PPARGC1A: variants seen among roughly 807,000 people sequenced by gnomAD.
PPARGC1A encodes peroxisome proliferator-activated receptor gamma coactivator 1-alpha.
Under a neutral mutation model 88.7 loss-of-function variants are expected in PPARGC1A, and 25 were observed. The observed-to-expected ratio is 0.28, with a 90% CI of 0.21 to 0.39. The LOEUF (loss-of-function observed/expected upper bound fraction) is 0.39, where lower values mean the gene tolerates loss of function less well. Ranked by LOEUF, PPARGC1A falls within the 10% of genes least tolerant of loss-of-function variation. The probability of loss-of-function intolerance (pLI) is 1.00; values close to 1 mark genes in which losing one functional copy is unlikely to be tolerated. For synonymous variants in PPARGC1A, 363 were observed against 355.6 expected (o/e 1.02, Z -0.24); for missense variants, 880 against 968.7 (o/e 0.91, Z 1.22).
the PPARGC1A span, among the ~76,000 whole-genome samples, chr4:23,936,245 G>A: frequency 2.1e-4 from 32 of 152,014 alleles, no homozygotes; most frequent in South Asian, 6.2e-4. Flanking sequence ...CTAATACCCC[G>A]AAAATGCATA....
the PPARGC1A span, among the ~76,000 whole-genome samples, chr4:24,275,206 A>C: frequency 1.9e-5 from 2 of 105,498 alleles, no homozygotes; most frequent in Admixed American, 1.1e-4. Flanking sequence ...AGTAAGTAGG[A>C]GCGTGCTATT....
the PPARGC1A span, among the ~76,000 whole-genome samples, chr4:24,148,045 C>A: frequency 6.6e-6 from 1 of 152,126 alleles, no homozygotes; most frequent in African/African-American, 2.4e-5. Context: ...ATCCAGTCCC[C>A]AGTTTCTTAG....
chr4:23,914,139 A>G, the PPARGC1A span, among the ~76,000 whole-genome samples: 1 of 152,224 alleles, frequency 6.6e-6, no homozygotes, highest in Non-Finnish European at 1.5e-5. Context: ...ATGCTATGCC[A>G]TGAGAGTATT....
chr4:24,360,021 T>A, the PPARGC1A span, among the ~76,000 whole-genome samples: 2 of 152,142 alleles, frequency 1.3e-5, no homozygotes, highest in African/African-American at 4.8e-5. Context: ...ATTGGGCCAC[T>A]TTTTTGCTTC....
chr4:23,992,980 C>G, the PPARGC1A span, among the ~76,000 whole-genome samples: 1 of 152,040 alleles, frequency 6.6e-6, no homozygotes, highest in Non-Finnish European at 1.5e-5. Context: ...ACTAAAATAC[C>G]GCTTATGTTT....
chr4:24,277,349 T>C, the PPARGC1A span, among the ~76,000 whole-genome samples: 7 of 152,296 alleles, frequency 4.6e-5, no homozygotes, highest in South Asian at 1.4e-3. Flanking sequence ...GAGCCCCTTC[T>C]GGTGGCTTAC....
the PPARGC1A span, among the ~76,000 whole-genome samples, chr4:24,147,498 C>T: frequency 1.3e-5 from 2 of 152,154 alleles, no homozygotes; most frequent in African/African-American, 4.8e-5. Flanking sequence ...GCCCACAGCC[C>T]CTTCTGAAGA....
chr4:24,020,142 G>A, the PPARGC1A span, among the ~76,000 whole-genome samples: 3 of 152,064 alleles, frequency 2.0e-5, no homozygotes, highest in African/African-American at 4.8e-5. Context: ...TTTCAAAGAG[G>A]AACTGCAATA....
chr4:23,874,620 C>A (rs890323461), intron 2 of PPARGC1A, among the ~76,000 whole-genome samples: 1 of 151,936 alleles, frequency 6.6e-6, no homozygotes, highest in Non-Finnish European at 1.5e-5. Context: ...ACTCTCACTA[C>A]GCTTTGTAAA....
intron 10 of PPARGC1A, among the ~76,000 whole-genome samples, chr4:23,805,204 G>A (rs2970885): frequency 0.81 from 122,840 of 151,676 alleles, 49,889 homozygotes; most frequent in Admixed American, 0.86. Context: ...AAGGAGAAGG[G>A]AAGTTAGATT....
chr4:23,864,852 C>A (rs144827641), intron 2 of PPARGC1A, among the ~76,000 whole-genome samples: 1 of 152,148 alleles, frequency 6.6e-6, no homozygotes, highest in Non-Finnish European at 1.5e-5. Flanking sequence ...TGACAGCAGA[C>A]GGCAGTTGCA....
chr4:24,437,275 G>C, the PPARGC1A span, among the ~76,000 whole-genome samples: 1 of 152,230 alleles, frequency 6.6e-6, no homozygotes, highest in African/African-American at 2.4e-5. Context: ...AGAGGCCACA[G>C]CTCTAGGGTA....
At chr4:23,973,229 C>T in the PPARGC1A span, among the ~76,000 whole-genome samples, 37 of 152,286 alleles carry the variant, frequency 2.4e-4, no homozygotes, top group African/African-American at 8.4e-4. Context: ...AGGAGAGCAG[C>T]CTTAGCCAAA....
At chr4:24,221,940 T>C in the PPARGC1A span, among the ~76,000 whole-genome samples, 1 of 152,150 alleles carries the variant, frequency 6.6e-6, no homozygotes, top group South Asian at 2.1e-4. Context: ...ACATCCCAGA[T>C]ACTGCAGCAT....
At chr4:24,464,063 A>G in the PPARGC1A span, among the ~76,000 whole-genome samples, 4 of 152,252 alleles carry the variant, frequency 2.6e-5, no homozygotes, top group African/African-American at 9.6e-5. Flanking sequence ...ACATTAAATA[A>G]TGAGGCAAAC....
the PPARGC1A span, among the ~76,000 whole-genome samples, chr4:24,318,829 A>C: frequency 3.4e-4 from 52 of 152,312 alleles, 2 homozygotes; most frequent in South Asian, 0.011. Context: ...TTTACAAACA[A>C]AAAACAGATA....
chr4:23,938,768 G>T, the PPARGC1A span, among the ~76,000 whole-genome samples: 1 of 152,198 alleles, frequency 6.6e-6, no homozygotes, highest in East Asian at 1.9e-4. Flanking sequence ...AGGTTAGGAG[G>T]TCAGAGAAAT....
the PPARGC1A span, among the ~76,000 whole-genome samples, chr4:24,387,865 AAAGG>A: frequency 4.5e-4 from 56 of 125,284 alleles, 4 homozygotes; most frequent in African/African-American, 1.3e-3. Flanking sequence ...AGAAAGAGAG[AAAGG>A]AAGAAAGAGA....
the PPARGC1A span, among the ~76,000 whole-genome samples, chr4:24,124,359 T>C: frequency 0.039 from 5,875 of 152,256 alleles, 156 homozygotes; most frequent in East Asian, 0.071. Context: ...ATGAGATAAA[T>C]ACCTACTTGC....
Sources: gnomAD v4.1 joint callset for allele counts (sites outside exome capture counted in the v4.1 genomes callset) on GRCh38, gnomAD v4.1.1 for gene constraint, MANE v1.5 for transcripts, NCBI Gene and HGNC (gene_info 2026-07-23, HGNC 2026-07-21) for gene names.